Variants in PPP2R3A observed in about 807,000 individuals in gnomAD.
PPP2R3A encodes the protein protein phosphatase 2 regulatory subunit B''alpha.
A neutral mutation model predicts 106.9 loss-of-function variants in PPP2R3A; 80 were observed. That is an observed-to-expected ratio of 0.75 (90% CI 0.62 to 0.90). PPP2R3A has a LOEUF of 0.90. Ranked by LOEUF, PPP2R3A falls within the 40% of genes least tolerant of loss-of-function variation. PPP2R3A has a pLI of 0.00. For missense variants in PPP2R3A, 1,386 were observed against 1,350.4 expected (o/e 1.03, Z -0.41); for synonymous variants, 483 against 468.3 (o/e 1.03, Z -0.41).
intron 13 of PPP2R3A, among the ~76,000 whole-genome samples, chr3:136,127,236 T>G (rs1382317017): frequency 6.6e-6 from 1 of 152,128 alleles, no homozygotes; most frequent in East Asian, 1.9e-4. Context: ...AGGAGGATGT[T>G]CGAACCCATT....
chr3:135,970,238 A>G (rs1937206284), intron 1 of PPP2R3A, among the ~76,000 whole-genome samples: 1 of 152,240 alleles, frequency 6.6e-6, no homozygotes. Flanking sequence ...AGGATAGCCC[A>G]GGAAGAGAAT....
Position 136,001,967 on chromosome 3 carries a change from G to A in PPP2R3A, c.469G>A (p.Asp157Asn), listed in dbSNP as rs2107788598. The A allele has an allele frequency of 6.2e-7, 1 of 1,614,158 alleles. No individual in the cohort carries two copies. The change falls in exon 2 of 14, where the codon GAT becomes AAT. Residue 157 changes from aspartate (D) to asparagine (N), a missense_variant. Transcript: ENST00000264977. ...KSDSFNRRSV[D>N]LDLLCGHYNN... is the part of the protein sequence containing the mutation. ...TGACTCATTTAATAGGAGGTCAGTT[G>A]ATTTGGACTTGCTTTGTGGCCATTA...
At chr3:136,139,879 G>A (rs1013034932) in intron 13 of PPP2R3A, among the ~76,000 whole-genome samples, 1 of 151,422 alleles carries the variant, frequency 6.6e-6, no homozygotes, top group African/African-American at 2.4e-5. Flanking sequence ...GGTGGTGCAT[G>A]CCTGTAATCC....
chr3:136,120,341 A>G (rs1043545718), intron 13 of PPP2R3A, among the ~76,000 whole-genome samples: 8 of 152,290 alleles, frequency 5.3e-5, no homozygotes, highest in Non-Finnish European at 8.8e-5. Context: ...TAATCTCAGC[A>G]CTTTGGGAGG....
rs944341908 is a variant in PPP2R3A, at chr3:136,100,012, C to T, written c.2928-1995C>T. On this transcript the variant is annotated intron_variant, in intron 10 of 13. Transcript: ENST00000264977. ...GGATTCAGTTTCCAAACTGAATAGG[C>T]TCTCAGAAAAGCCCAGCCAAATAGA... 3.3e-5 allele frequency among the ~76,000 whole-genome samples: 5 copies of T among 151,698 alleles called. No homozygotes were observed. The South Asian group carries it at 1.0e-3, about 32-fold the overall frequency.
At chr3:136,000,366 C>T (rs1435244100) in intron 1 of PPP2R3A, among the ~76,000 whole-genome samples, 1 of 152,158 alleles carries the variant, frequency 6.6e-6, no homozygotes, top group Non-Finnish European at 1.5e-5. Context: ...TCTTGGAAAG[C>T]AACTACAGTA....
At chr3:136,044,595 GAC>G (rs1935409620) in intron 4 of PPP2R3A, among the ~76,000 whole-genome samples, 1 of 118,776 alleles carries the variant, frequency 8.4e-6, no homozygotes. Flanking sequence ...AAAAAAAAAA[GAC>G]AAGGATGTTA....
intron 3 of PPP2R3A, among the ~76,000 whole-genome samples, chr3:136,035,609 G>A (rs1181576745): frequency 6.6e-6 from 1 of 152,140 alleles, no homozygotes; most frequent in Non-Finnish European, 1.5e-5. Flanking sequence ...AATCTGATAG[G>A]TTTTCCTTTT....
intron 2 of PPP2R3A, among the ~76,000 whole-genome samples, chr3:136,020,410 A>G (rs1934424133): frequency 6.6e-6 from 1 of 152,220 alleles, no homozygotes; most frequent in African/African-American, 2.4e-5. Flanking sequence ...CACACTCATA[A>G]TAGGTTTGTT....
intron 13 of PPP2R3A, among the ~76,000 whole-genome samples, chr3:136,135,844 G>A (rs946886912): frequency 1.3e-5 from 2 of 151,740 alleles, no homozygotes; most frequent in African/African-American, 2.4e-5. Context: ...CCAGGAGTTC[G>A]AGACCTGCCT....
chr3:136,087,256 T>TCTCTCTCC (rs1936968742), intron 8 of PPP2R3A, among the ~76,000 whole-genome samples: 2 of 128,740 alleles, frequency 1.6e-5, no homozygotes, highest in South Asian at 5.2e-4. Context: ...TCTCTCTCTC[T>TCTCTCTCC]CTCTCTCTCT....
intron 13 of PPP2R3A, among the ~76,000 whole-genome samples, chr3:136,117,047 C>A (rs964097249): frequency 1.3e-5 from 2 of 152,134 alleles, no homozygotes; most frequent in Non-Finnish European, 2.9e-5. Context: ...TCTCTCAGAC[C>A]ACAGTGCAAT....
At chr3:136,137,740 A>G (rs1047816877) in intron 13 of PPP2R3A, among the ~76,000 whole-genome samples, 5 of 151,650 alleles carry the variant, frequency 3.3e-5, no homozygotes, top group Non-Finnish European at 5.9e-5. Flanking sequence ...ACGGGGTTTC[A>G]CCGTGTTAGC....
intron 2 of PPP2R3A, among the ~76,000 whole-genome samples, chr3:136,012,015 T>A (rs997911181): frequency 1.4e-4 from 18 of 126,936 alleles, no homozygotes; most frequent in South Asian, 2.4e-4. Flanking sequence ...ACACACACAC[T>A]CTCCACCAAG....
intron 1 of PPP2R3A, among the ~76,000 whole-genome samples, chr3:135,977,554 T>A (rs1937449755): frequency 6.6e-6 from 1 of 152,184 alleles, no homozygotes; most frequent in East Asian, 1.9e-4. Context: ...CATAATGGAC[T>A]GTTGGTTAAA....
chr3:136,089,561 T>C (rs1937041022), intron 9 of PPP2R3A, among the ~76,000 whole-genome samples: 1 of 152,024 alleles, frequency 6.6e-6, no homozygotes, highest in Non-Finnish European at 1.5e-5. Flanking sequence ...CTTTAGCTAT[T>C]GGGACTTTGT....
rs1056041739 is a variant in PPP2R3A at position 136,021,366 on chromosome 3, C to T, written c.1996-5466C>T. On this transcript the variant is annotated intron_variant, in intron 2 of 13. Coordinates refer to ENST00000264977, the MANE Select transcript of PPP2R3A (RefSeq NM_002718.5). ...TTGTAATCCTCTTTCAATCATAGTA[C>T]GTATCAAAAGCTTTCAGATAAAATT... 1.1e-4 allele frequency among the ~76,000 whole-genome samples: 17 copies of T among 152,040 alleles called. No individual in the cohort carries two copies. In the East Asian group the frequency reaches 2.3e-3, roughly 21 times the overall value.
At chr3:136,109,049 A>G (rs780635558) in intron 13 of PPP2R3A, among the ~76,000 whole-genome samples, 17 of 152,336 alleles carry the variant, frequency 1.1e-4, no homozygotes, top group Non-Finnish European at 1.8e-4. Flanking sequence ...CATTCAATCC[A>G]TTTAAATGTA....
intron 3 of PPP2R3A, among the ~76,000 whole-genome samples, chr3:136,029,186 T>C (rs115856981): frequency 0.011 from 1,650 of 152,300 alleles, 25 homozygotes; most frequent in African/African-American, 0.033. Context: ...GAAGGTTTCA[T>C]GGATTGCCTC....
Sources: allele counts gnomAD v4.1 joint callset (sites outside exome capture counted in the v4.1 genomes callset), GRCh38; gene constraint gnomAD v4.1.1; transcripts MANE v1.5; gene names NCBI Gene and HGNC (gene_info 2026-07-23, HGNC 2026-07-21).